Variants in CACNA2D3 observed in about 807,000 individuals in gnomAD.
The protein encoded by CACNA2D3 is voltage-dependent calcium channel subunit alpha-2/delta-3.
Under a neutral mutation model 160.6 loss-of-function variants are expected in CACNA2D3, and 60 were observed. The observed-to-expected ratio is 0.37, with a 90% CI of 0.30 to 0.46. The LOEUF is 0.46. Among genes scored for constraint, CACNA2D3 ranks in the 20% least tolerant of loss-of-function variants. CACNA2D3 has a pLI of 1.00. For missense variants in CACNA2D3, 1,205 were observed against 1,365.0 expected (o/e 0.88, Z 1.85); for synonymous variants, 558 against 492.9 (o/e 1.13, Z -1.75).
chr3:54,850,680 G>C (rs1699039034), intron 17 of CACNA2D3, among the ~76,000 whole-genome samples: 1 of 152,168 alleles, frequency 6.6e-6, no homozygotes. Flanking sequence ...ACACAAAGGA[G>C]GTTCCCTTTC....
At chr3:54,536,920 G>A (rs993081063) in intron 5 of CACNA2D3, among the ~76,000 whole-genome samples, 1 of 152,190 alleles carries the variant, frequency 6.6e-6, no homozygotes, top group African/African-American at 2.4e-5. Context: ...TGTGAAAGGT[G>A]GCTGTCTCCA....
At chr3:54,846,267 T>C (rs574172547) in intron 16 of CACNA2D3, 126 bp from the exon 17 acceptor site, 2 of 546,542 alleles carry the variant, frequency 3.7e-6, no homozygotes, top group East Asian at 3.0e-5. Context: ...TAATGAAATA[T>C]TGTGCTGATA....
At chr3:54,926,713 G>A (rs1433347704) in intron 27 of CACNA2D3, among the ~76,000 whole-genome samples, 1 of 152,188 alleles carries the variant, frequency 6.6e-6, no homozygotes, top group Non-Finnish European at 1.5e-5. Flanking sequence ...CATGGTGAGA[G>A]CATGCCACAT....
chr3:54,299,756 A>T (rs943542569), intron 2 of CACNA2D3, among the ~76,000 whole-genome samples: 22 of 152,254 alleles, frequency 1.4e-4, no homozygotes, highest in African/African-American at 5.1e-4. Flanking sequence ...AAGGATTAAC[A>T]AAAGGAGACA....
intron 8 of CACNA2D3, among the ~76,000 whole-genome samples, chr3:54,579,394 G>A (rs553897587): frequency 1.4e-4 from 22 of 152,218 alleles, no homozygotes; most frequent in African/African-American, 5.3e-4. Flanking sequence ...CCTCATAGTT[G>A]CAAAATGGCT....
At chr3:54,366,332 T>A (rs953199461) in intron 3 of CACNA2D3, among the ~76,000 whole-genome samples, 1 of 152,240 alleles carries the variant, frequency 6.6e-6, no homozygotes, top group Admixed American at 6.5e-5. Flanking sequence ...CAGTGTTCAA[T>A]GATGATGGCA....
At chr3:54,705,694 T>A (rs867516931) in intron 11 of CACNA2D3, among the ~76,000 whole-genome samples, 5 of 152,332 alleles carry the variant, frequency 3.3e-5, no homozygotes, top group South Asian at 4.1e-4. Context: ...AAGCTTTGAA[T>A]TAACCCTGTT....
intron 9 of CACNA2D3, among the ~76,000 whole-genome samples, chr3:54,599,167 C>A (rs865853608): frequency 1.3e-5 from 2 of 152,156 alleles, no homozygotes; most frequent in Non-Finnish European, 1.5e-5. Flanking sequence ...AATATAGTCA[C>A]GCCATCCCCT....
intron 4 of CACNA2D3, among the ~76,000 whole-genome samples, chr3:54,465,876 C>G (rs1450179110): frequency 6.6e-6 from 1 of 152,122 alleles, no homozygotes; most frequent in Non-Finnish European, 1.5e-5. Flanking sequence ...AAGGTGCTGG[C>G]TGGGCTCTTA....
chr3:54,451,227 ATCTTTTTTTTTTTTTT>A (rs1700301630), intron 4 of CACNA2D3, among the ~76,000 whole-genome samples: 1 of 70,460 alleles, frequency 1.4e-5, no homozygotes, highest in East Asian at 3.5e-4. Flanking sequence ...TGATATAATA[ATCTTTTTTTTTTTTTT>A]TTTTTTTTTT....
At chr3:54,440,207 A>G (rs1221559202) in intron 4 of CACNA2D3, among the ~76,000 whole-genome samples, 1 of 152,148 alleles carries the variant, frequency 6.6e-6, no homozygotes, top group Non-Finnish European at 1.5e-5. Flanking sequence ...TACCTACCTT[A>G]AAGGATTAGT....
At chr3:54,531,415 CA>C (rs150323758) in intron 5 of CACNA2D3, among the ~76,000 whole-genome samples, 1 of 152,100 alleles carries the variant, frequency 6.6e-6, no homozygotes, top group Non-Finnish European at 1.5e-5. Context: ...CCCACTTAAT[CA>C]AAAAAATGGC....
chr3:54,481,151 T>G (rs1020377251), intron 4 of CACNA2D3, among the ~76,000 whole-genome samples: 4 of 152,160 alleles, frequency 2.6e-5, no homozygotes, highest in Non-Finnish European at 5.9e-5. Flanking sequence ...AGGTCAAACA[T>G]GAAAGAGTGG....
intron 9 of CACNA2D3, among the ~76,000 whole-genome samples, chr3:54,608,891 G>A (rs1698689928): frequency 6.6e-6 from 1 of 152,162 alleles, no homozygotes; most frequent in Admixed American, 6.5e-5. Context: ...TGACGTTGAA[G>A]CCATTGAGTT....
chr3:54,431,182 C>T (rs1320752462), intron 4 of CACNA2D3, among the ~76,000 whole-genome samples: 1 of 151,744 alleles, frequency 6.6e-6, no homozygotes, highest in Non-Finnish European at 1.5e-5. Context: ...ACTAAAAATA[C>T]AAAAATTAGC....
At chr3:55,027,536 T>C (rs1190775988) in intron 35 of CACNA2D3, among the ~76,000 whole-genome samples, 1 of 152,204 alleles carries the variant, frequency 6.6e-6, no homozygotes, top group East Asian at 1.9e-4. Flanking sequence ...CTGCTTTACA[T>C]CTAATTCGCA....
chr3:54,912,550 C>T (rs953893795), intron 27 of CACNA2D3, among the ~76,000 whole-genome samples: 1 of 152,198 alleles, frequency 6.6e-6, no homozygotes, highest in South Asian at 2.1e-4. Context: ...TTCCATGGGA[C>T]ATTTTTCCTC....
chr3:54,949,528 C>T (rs142475600), intron 27 of CACNA2D3, among the ~76,000 whole-genome samples: 1 of 152,316 alleles, frequency 6.6e-6, no homozygotes, highest in East Asian at 1.9e-4. Flanking sequence ...ATGGCCCACT[C>T]CACCATTCCA....
chr3:54,327,515 C>T (rs1175551236), intron 3 of CACNA2D3, among the ~76,000 whole-genome samples: 2 of 152,170 alleles, frequency 1.3e-5, no homozygotes, highest in Non-Finnish European at 2.9e-5. Flanking sequence ...TTATCTCTTT[C>T]CCAAATAATT....
Sources: gnomAD v4.1 joint callset for allele counts (sites outside exome capture counted in the v4.1 genomes callset) on GRCh38, gnomAD v4.1.1 for gene constraint, MANE v1.5 for transcripts, NCBI Gene and HGNC (gene_info 2026-07-23, HGNC 2026-07-21) for gene names.